The following CUX1 variants were observed in gnomAD, a reference collection of about 807,000 sequenced individuals.
CUX1 encodes protein CASP.
In CUX1, 31 loss-of-function variants were observed where a neutral mutation model predicts 158.8. The ratio of observed to expected loss-of-function variants is 0.20; its 90% CI spans 0.15 to 0.26. CUX1 has a LOEUF of 0.26. CUX1 is among the 10% of genes least tolerant of loss of function. CUX1 has a pLI of 1.00. For synonymous variants in CUX1, 879 were observed against 862.1 expected, an observed-to-expected ratio of 1.02 and a Z score of -0.34; for missense variants, 1,589 against 2,014.6, an observed-to-expected ratio of 0.79 and a Z score of 4.04.
intron 3 of CUX1, among the ~76,000 whole-genome samples, chr7:102,068,303 G>C (rs1825770209): frequency 6.6e-6 from 1 of 151,892 alleles, no homozygotes; most frequent in Non-Finnish European, 1.5e-5. Context: ...ATTTTAATTT[G>C]TAGATAGCTC....
chr7:101,909,097 T>A (rs971115595), intron 1 of CUX1, among the ~76,000 whole-genome samples: 4 of 151,040 alleles, frequency 2.6e-5, no homozygotes, highest in Admixed American at 6.6e-5. Context: ...GGAGTCCAGT[T>A]TAGGTTTGGT....
chr7:101,992,817 T>G (rs1815322696), intron 2 of CUX1, among the ~76,000 whole-genome samples: 1 of 151,858 alleles, frequency 6.6e-6, no homozygotes, highest in Non-Finnish European at 1.5e-5. Flanking sequence ...CCGGATTATT[T>G]GGAGTTTTTT....
intron 20 of CUX1, among the ~76,000 whole-genome samples, chr7:102,216,514 G>GCACA (rs538486124): frequency 2.9e-5 from 3 of 101,948 alleles, no homozygotes; most frequent in East Asian, 7.9e-4. Context: ...GTGTGTGCGC[G>GCACA]CACACACACA....
intron 11 of CUX1, among the ~76,000 whole-genome samples, chr7:102,180,491 A>G (rs979881111): frequency 6.6e-6 from 1 of 151,772 alleles, no homozygotes; most frequent in African/African-American, 2.4e-5. Flanking sequence ...ACACCCAGCT[A>G]GTTTTTTAAT....
At chr7:102,198,726 CA>C (rs1441578410) in intron 15 of CUX1, 75 bp from the exon 16 acceptor site, 47 of 1,316,152 alleles carry the variant, frequency 3.6e-5, no homozygotes, top group Admixed American at 1.4e-4. Flanking sequence ...GCTCAGATTT[CA>C]TGTCACACAG....
rs1774049196 is a variant in CUX1, at chr7:102,250,227, G to A, written c.*1185G>A. ...TGTTTAATTTATGGTGTCTCAATCT[G>A]TCTGTGCGTCTGCACGTGTGCAAGC... is the stretch of plus-strand genomic sequence containing the variant. On this transcript the variant is annotated 3_prime_UTR_variant, in exon 24 of 24. Coordinates refer to ENST00000292535, the MANE Select transcript of CUX1 (RefSeq NM_181552.4). 3 of 985,210 alleles carry A rather than the reference G, an allele frequency of 3.0e-6. No individual in the cohort carries two copies. Among genetic ancestry groups the A allele is most frequent in the South Asian group, 9.4e-5 (2 of 21,292 alleles). The allele number at this position is 985,210 out of a possible 1,614,324, so 61.0% of individuals were successfully genotyped here.
chr7:102,088,932 C>G (rs1225042643), intron 4 of CUX1, among the ~76,000 whole-genome samples: 2 of 152,124 alleles, frequency 1.3e-5, no homozygotes, highest in South Asian at 4.1e-4. Context: ...CATTTTGCCA[C>G]TGTTTCTTCA....
At chr7:101,893,173 T>TG (rs1801079229) in intron 1 of CUX1, among the ~76,000 whole-genome samples, 2 of 109,060 alleles carry the variant, frequency 1.8e-5, no homozygotes, top group Non-Finnish European at 3.6e-5. Flanking sequence ...TTTTTTTTTT[T>TG]TTTTTTTTTT....
intron 2 of CUX1, among the ~76,000 whole-genome samples, chr7:102,000,174 C>A (rs1468231132): frequency 6.6e-6 from 1 of 151,820 alleles, no homozygotes; most frequent in African/African-American, 2.4e-5. Flanking sequence ...CAAGATCGCA[C>A]CATTGCACTC....
chr7:102,162,035 G>A (rs1450225253), intron 9 of CUX1, among the ~76,000 whole-genome samples: 1 of 152,116 alleles, frequency 6.6e-6, no homozygotes, highest in Non-Finnish European at 1.5e-5. Flanking sequence ...GTTCGGAGAC[G>A]TTCCTAATCT....
intron 3 of CUX1, among the ~76,000 whole-genome samples, chr7:102,030,387 C>T (rs1474239422): frequency 6.6e-6 from 1 of 152,078 alleles, no homozygotes; most frequent in Non-Finnish European, 1.5e-5. Context: ...CCTCCCCGCC[C>T]ACCACTTTTG....
rs1305684213 is a variant in CUX1, at chr7:102,249,225, C to G, written c.*183C>G. ...TCCGCGGCCTGCACCGACCCGAGGC[C>G]CAGATCCAAGGCCGCGGCCCAGACC... is the stretch of plus-strand genomic sequence containing the variant. On this transcript the variant is annotated 3_prime_UTR_variant, in exon 24 of 24. Coordinates refer to ENST00000292535, the MANE Select transcript of CUX1 (RefSeq NM_181552.4). The G allele has an allele frequency of 9.1e-7, 1 of 1,099,502 alleles. No homozygotes were observed. Among genetic ancestry groups the G allele is most frequent in the African/African-American group, 1.7e-5 (1 of 59,608 alleles). The allele number at this position is 1,099,502 out of a possible 1,614,324, so 68.1% of individuals were successfully genotyped here.
intron 22 of CUX1, 64 bp downstream of exon 22, chr7:102,234,304 A>T (rs1554531871): frequency 7.2e-7 from 1 of 1,380,224 alleles, no homozygotes; most frequent in East Asian, 2.8e-5. Context: ...GTTTCTTTCA[A>T]ATCTTTCACA....
At chr7:102,200,631 G>A (rs1046742118) in intron 17 of CUX1, among the ~76,000 whole-genome samples, 4 of 151,946 alleles carry the variant, frequency 2.6e-5, no homozygotes, top group Non-Finnish European at 5.9e-5. Flanking sequence ...GTGAGCCACC[G>A]CGCCTGGCCC....
At chr7:102,280,318 C>A (rs1208279839) in intron 19 of CUX1, among the ~76,000 whole-genome samples, 2 of 152,182 alleles carry the variant, frequency 1.3e-5, no homozygotes, top group African/African-American at 2.4e-5. Flanking sequence ...GGAGCCCCCC[C>A]AAGACAGCCT....
chr7:102,047,339 A>G (rs1247608108), intron 3 of CUX1, among the ~76,000 whole-genome samples: 1 of 151,976 alleles, frequency 6.6e-6, no homozygotes, highest in African/African-American at 2.4e-5. Flanking sequence ...GGTTGATTGC[A>G]TGGAGGGAGG....
intron 2 of CUX1, among the ~76,000 whole-genome samples, chr7:102,005,955 C>T (rs1207671036): frequency 2.0e-5 from 3 of 152,164 alleles, no homozygotes; most frequent in Non-Finnish European, 4.4e-5. Flanking sequence ...GAGGAGCGAG[C>T]GGCCGCGTGG....
chr7:102,019,024 G>A (rs1585296793), intron 2 of CUX1, among the ~76,000 whole-genome samples: 1 of 152,112 alleles, frequency 6.6e-6, no homozygotes, highest in South Asian at 2.1e-4. Context: ...AGTGGCATTG[G>A]CATCCAGGCT....
At chr7:101,994,117 C>T (rs1356270302) in intron 2 of CUX1, among the ~76,000 whole-genome samples, 2 of 152,212 alleles carry the variant, frequency 1.3e-5, no homozygotes, top group Non-Finnish European at 2.9e-5. Context: ...GCCCTTCTTC[C>T]ATCTCCCTCC....
Sources: allele counts gnomAD v4.1 joint callset (sites outside exome capture counted in the v4.1 genomes callset), GRCh38; gene constraint gnomAD v4.1.1; transcripts MANE v1.5; gene names NCBI Gene and HGNC (gene_info 2026-07-23, HGNC 2026-07-21).